HNRNPUL1: variants seen among roughly 807,000 people sequenced by gnomAD.
HNRNPUL1 encodes the protein heterogeneous nuclear ribonucleoprotein U-like protein 1.
A neutral mutation model predicts 108.5 loss-of-function variants in HNRNPUL1; 14 were observed. That is an observed-to-expected ratio of 0.13 (90% CI 0.09 to 0.20). The LOEUF (loss-of-function observed/expected upper bound fraction) is 0.20, where lower values mean the gene tolerates loss of function less well. Ranked by LOEUF, HNRNPUL1 falls within the 10% of genes least tolerant of loss-of-function variation. The probability of loss-of-function intolerance (pLI) is 1.00; values close to 1 mark genes in which losing one functional copy is unlikely to be tolerated. For synonymous variants in HNRNPUL1, 422 were observed against 445.2 expected (o/e 0.95, Z 0.66); for missense variants, 804 against 1,168.3 (o/e 0.69, Z 4.55).
chr19:41,269,761 C>A (rs2122465092), intron 2 of HNRNPUL1, among the ~76,000 whole-genome samples: 1 of 152,192 alleles, frequency 6.6e-6, no homozygotes, highest in East Asian at 1.9e-4. Flanking sequence ...TATGATCGTG[C>A]ACGGCACTGC....
intron 11 of HNRNPUL1, 84 bp downstream of exon 11, chr19:41,301,788 C>T (rs2037226713): frequency 3.2e-6 from 4 of 1,237,820 alleles, no homozygotes; most frequent in South Asian, 3.0e-5. Flanking sequence ...CCTTCCCTGG[C>T]TCCCCAGTGA....
At chr19:41,278,324 G>A (rs2035696995) in intron 5 of HNRNPUL1, 1 of 151,890 alleles carries the variant, frequency 6.6e-6, no homozygotes, top group South Asian at 2.1e-4. Flanking sequence ...GCCTCCCAAA[G>A]TGCTGGGATT....
At position 41,276,194 on chromosome 19, in the gene HNRNPUL1, C is replaced by G; in HGVS notation, c.682C>G (p.Arg228Gly). 1 of 1,613,920 alleles carries G rather than the reference C, an allele frequency of 6.2e-7. No homozygotes were observed. The highest frequency in any genetic ancestry group is 1.1e-5 in the South Asian group (1 of 91,028). Residue 228 changes from arginine (R) to glycine (G), a missense_variant, in exon 5 of 15, where the codon CGG (arginine) becomes GGG (glycine). Around this residue, in one of 4 missense-constraint regions of HNRNPUL1, gnomAD observed 174 missense variants for 296.6 expected, o/e 0.59. Transcript: ENST00000392006. ...CDLHFKVARD[R>G]SSGYPLTIEG... ...CCTCCACTTCAAGGTGGCCCGAGAT[C>G]GGAGTAGTGGCTATCCGCTCACAAT...
rs560050083 is a variant in HNRNPUL1, at chr19:41,274,190, C to T, written c.646+135C>T. 19 of 735,594 alleles carry T rather than the reference C, an allele frequency of 2.6e-5. No homozygotes were observed. The South Asian group carries it at 3.0e-4, about 11-fold the overall frequency. The allele number at this position is 735,594 out of a possible 1,614,324, so 45.6% of individuals were successfully genotyped here. A position where few individuals can be genotyped will look rare whatever the true frequency, so the allele number is the denominator to read the frequency against. On this transcript the variant is annotated intron_variant, in intron 4 of 14. Coordinates refer to ENST00000392006, the MANE Select transcript of HNRNPUL1 (RefSeq NM_007040.6). ...TCCACATGTGAGACACGGCTTAGCT[C>T]TGGAGCAAGAGTACTGGTTTGGAGG...
At position 41,294,780 on chromosome 19, in the gene HNRNPUL1, T is replaced by C. The variant is rs2036789995; in HGVS notation, c.1518+94T>C. On this transcript the variant is annotated intron_variant, in intron 10 of 14. Coordinates refer to ENST00000392006, the MANE Select transcript of HNRNPUL1 (RefSeq NM_007040.6). This position sits in a 1 kb window ranked among gnomAD's most constrained non-coding sequence, Gnocchi z 4.3. The stretch of plus-strand genomic sequence containing the variant: ...TCTGGTCCCTTTCTTTTTTCCCCCG[T>C]AATGATGATGGACTGCTGTGCTAGT... 1 of 1,456,398 alleles carries C rather than the reference T, an allele frequency of 6.9e-7. No homozygotes were observed. Among genetic ancestry groups the C allele is most frequent in the Non-Finnish European group, 9.5e-7 (1 of 1,048,060 alleles). 90.2% of individuals were successfully genotyped at this position (1,456,398 alleles called of 1,614,324 possible).
At chr19:41,271,212 A>G (rs887997609) in intron 2 of HNRNPUL1, among the ~76,000 whole-genome samples, 2 of 152,164 alleles carry the variant, frequency 1.3e-5, no homozygotes, top group Non-Finnish European at 2.9e-5. Flanking sequence ...GTGGCTCAGA[A>G]CTTTACTGAA....
At chr19:41,280,178 TAGAG>T (rs1340902675) in intron 6 of HNRNPUL1, among the ~76,000 whole-genome samples, 1 of 152,178 alleles carries the variant, frequency 6.6e-6, no homozygotes, top group Non-Finnish European at 1.5e-5. Flanking sequence ...CACATGGACT[TAGAG>T]AGTGGAATAA....
chr19:41,292,474 G>A lies in HNRNPUL1; in HGVS notation c.1229G>A (p.Arg410Gln). 1 of 1,613,540 alleles carries A rather than the reference G, an allele frequency of 6.2e-7. No homozygotes were observed. The highest frequency in any genetic ancestry group is 8.5e-7 in the Non-Finnish European group (1 of 1,179,548). ...CACCTTCCCCTTAGTGAGCGTATCC[G>A]GGGCACCGTTGGACCAAAGAGCAAG... is the stretch of plus-strand genomic sequence containing the variant. The part of the protein sequence containing the change: ...IQHLPLSERI[R>Q]GTVGPKSKAE... The change falls in exon 8 of 15, where the codon CGG (arginine) becomes CAG (glutamine). Residue 410 changes from arginine (R) to glutamine (Q), a missense_variant. Around this residue, in one of 4 missense-constraint regions of HNRNPUL1, gnomAD observed 174 missense variants for 296.6 expected, o/e 0.59. Coordinates refer to ENST00000392006, the MANE Select transcript of HNRNPUL1 (RefSeq NM_007040.6). This position sits in a 1 kb window ranked among gnomAD's most constrained non-coding sequence, Gnocchi z 4.1.
At chr19:41,286,463 T>C (rs947024771) in intron 7 of HNRNPUL1, 2 of 152,126 alleles carry the variant, frequency 1.3e-5, no homozygotes, top group African/African-American at 4.8e-5. Flanking sequence ...TCACAGGCGG[T>C]GATCCCTCTT....
rs78179375 is a variant in HNRNPUL1, at chr19:41,288,642, G to A, written c.1000-3603G>A. Among the ~76,000 whole-genome samples the A allele has an allele frequency of 1.1e-3, 168 of 152,196 alleles. 1 individual carries two copies. In the East Asian group the frequency reaches 0.027, roughly 24 times the overall value. On this transcript the variant is annotated intron_variant, in intron 7 of 14. Transcript: ENST00000392006. Reference sequence around the variant, plus strand: ...ACTGTACCATAATTGATTTAACCTAGCGCCTCCCTTTGGTGGACATGTCGT... The same window carrying A: ...ACTGTACCATAATTGATTTAACCTAACGCCTCCCTTTGGTGGACATGTCGT...
upstream of HNRNPUL1, among the ~76,000 whole-genome samples, chr19:41,263,471 C>T (rs1057451323): frequency 6.6e-6 from 1 of 151,964 alleles, no homozygotes; most frequent in Non-Finnish European, 1.5e-5. Flanking sequence ...GCAGAGCGCC[C>T]GTTCCACGTC....
intron 10 of HNRNPUL1, among the ~76,000 whole-genome samples, chr19:41,299,946 G>A (rs553187332): frequency 7.2e-5 from 11 of 152,162 alleles, no homozygotes; most frequent in Admixed American, 5.9e-4. Flanking sequence ...GGGCTTAGAC[G>A]AGGGCTTTTA....
chr19:41,288,577 A>G (rs1283322686), intron 7 of HNRNPUL1, among the ~76,000 whole-genome samples: 2 of 151,734 alleles, frequency 1.3e-5, no homozygotes, highest in Non-Finnish European at 2.9e-5. Context: ...CTACCAAGAG[A>G]GCTTCTTTGT....
intron 13 of HNRNPUL1, among the ~76,000 whole-genome samples, 179 bp downstream of exon 13, chr19:41,304,440 A>G (rs935106505): frequency 1.3e-5 from 2 of 152,070 alleles, no homozygotes; most frequent in African/African-American, 4.8e-5. Context: ...TGGACCCTAC[A>G]CATTCCCAGA....
intron 13 of HNRNPUL1, 99 bp downstream of exon 13, chr19:41,304,360 C>T: frequency 1.3e-6 from 2 of 1,512,256 alleles, no homozygotes; most frequent in Non-Finnish European, 1.8e-6. Flanking sequence ...CAACACATGC[C>T]CCAGCTACTG....
At chr19:41,304,610 G>C (rs2037436551) in intron 13 of HNRNPUL1, among the ~76,000 whole-genome samples, 1 of 152,338 alleles carries the variant, frequency 6.6e-6, no homozygotes. Context: ...CACTTGACTG[G>C]AGTCACCCCT....
At position 41,305,826 on chromosome 19, in the gene HNRNPUL1, G is replaced by A. The variant is rs756867438; in HGVS notation, c.2413G>A (p.Ala805Thr). The A allele has an allele frequency of 6.4e-6, 7 of 1,098,798 alleles. No individual in the cohort carries two copies. Among genetic ancestry groups the A allele is most frequent in the South Asian group, 3.7e-5 (3 of 81,400 alleles). The allele number at this position is 1,098,798 out of a possible 1,614,324, so 68.1% of individuals were successfully genotyped here. ...APYTPPPPPT[A>T]QTYPQPSYNQ... ...CTATACCCCACCGCCACCCCCCACTGCACAGACCTACCCTCAGCCCAGCTA... is the reference window on the plus strand; with the variant it reads ...CTATACCCCACCGCCACCCCCCACTACACAGACCTACCCTCAGCCCAGCTA... The change falls in exon 14 of 15, where the codon GCA becomes ACA. Residue 805 changes from alanine to threonine, a missense_variant. Coordinates refer to ENST00000392006, the MANE Select transcript of HNRNPUL1 (RefSeq NM_007040.6).
At chr19:41,287,823 G>C (rs1309132846) in intron 7 of HNRNPUL1, among the ~76,000 whole-genome samples, 1 of 152,178 alleles carries the variant, frequency 6.6e-6, no homozygotes, top group South Asian at 2.1e-4. Context: ...GCCTCCCAAA[G>C]TGCTGGGATT....
intron 7 of HNRNPUL1, among the ~76,000 whole-genome samples, chr19:41,288,026 T>C (rs1207246704): frequency 6.6e-6 from 1 of 152,138 alleles, no homozygotes; most frequent in Non-Finnish European, 1.5e-5. Context: ...AAGTTGTTTC[T>C]TAATAGTTAA....
Sources: gnomAD v4.1 joint callset for allele counts (sites outside exome capture counted in the v4.1 genomes callset) on GRCh38, gnomAD v4.1.1 for gene constraint, gnomAD v4.1.1 regional missense constraint, Gnocchi (gnomAD v3.1) non-coding constraint, MANE v1.5 for transcripts, NCBI Gene and HGNC (gene_info 2026-07-23, HGNC 2026-07-21) for gene names.